Variants in GOLGA8M observed in about 807,000 individuals in gnomAD.
The protein encoded by GOLGA8M is golgin A8 family member M.
GOLGA8M carries 34 observed loss-of-function variants against 87.7 expected under a neutral mutation model. That is an observed-to-expected ratio of 0.39 (90% CI 0.29 to 0.52). The LOEUF is 0.52. Ranked by LOEUF, GOLGA8M falls within the 20% of genes least tolerant of loss-of-function variation. The pLI, the probability that GOLGA8M is intolerant of heterozygous loss-of-function variation, is 0.80. For synonymous variants in GOLGA8M, 138 were observed against 250.2 expected (o/e 0.55, Z 4.23); for missense variants, 396 against 682.2 (o/e 0.58, Z 4.67).
chr15:28,707,018 G>T (rs1446670001), intron 8 of GOLGA8M, among the ~76,000 whole-genome samples: 3 of 139,398 alleles, frequency 2.2e-5, no homozygotes, highest in African/African-American at 8.6e-5. Flanking sequence ...TTTAATCCTC[G>T]CAACCACCAT....
chr15:28,703,192 A>G lies in GOLGA8M; in HGVS notation c.1368+127T>C, dbSNP rs549797622. 5 of 954,538 alleles carry G rather than the reference A, an allele frequency of 5.2e-6. 1 individual carries two copies. The highest frequency in any genetic ancestry group is 2.9e-5 in the South Asian group (2 of 68,882). The allele number at this position is 954,538 out of a possible 1,614,324, so 59.1% of individuals were successfully genotyped here. On this transcript the variant is annotated intron_variant, in intron 15 of 18. Coordinates refer to ENST00000563027, the MANE Select transcript of GOLGA8M (RefSeq NM_001282468.3). ...TTGGCCACAGGTGAAATGGTGTCTGACCACTGGCTCTCAGAAGGGGTGAGG... is the reference window on the plus strand; with the variant it reads ...TTGGCCACAGGTGAAATGGTGTCTGGCCACTGGCTCTCAGAAGGGGTGAGG...
rs778939060 is a variant in GOLGA8M, at chr15:28,702,495, G to T, written c.1537C>A (p.His513Asn). 1.3e-6 allele frequency: 2 copies of T among 1,587,006 alleles called. No homozygotes were observed. Among genetic ancestry groups the T allele is most frequent in the Admixed American group, 1.7e-5 (1 of 57,620 alleles). Residue 513 changes from histidine to asparagine, a missense_variant, in exon 17 of 19, where the codon CAT becomes AAT. Coordinates refer to ENST00000563027, the MANE Select transcript of GOLGA8M (RefSeq NM_001282468.3). Reference protein sequence around the residue: ...AKDAALGGGHHQAGAQGGDEG... With the variant: ...AKDAALGGGHNQAGAQGGDEG... ...TCTCCTCCCTGAGCTCCAGCCTGAT[G>T]GTGTCCTCCTCCCAGTGCCGCATCT...
chr15:28,711,756 T>A, intron 1 of GOLGA8M: 13 of 984,810 alleles, frequency 1.3e-5, no homozygotes, highest in Non-Finnish European at 1.6e-5. Context: ...AGGGACCATG[T>A]CAGCACCATG....
At chr15:28,710,007 G>T (rs527391659) in intron 2 of GOLGA8M, among the ~76,000 whole-genome samples, 4 of 143,576 alleles carry the variant, frequency 2.8e-5, no homozygotes, top group African/African-American at 1.0e-4. Flanking sequence ...AGAGAGGCCC[G>T]ATGAGGTCTA....
At chr15:28,710,009 T>C (rs2080151954) in intron 2 of GOLGA8M, among the ~76,000 whole-genome samples, 1 of 143,550 alleles carries the variant, frequency 7.0e-6, no homozygotes, top group African/African-American at 2.6e-5. Flanking sequence ...AGAGGCCCGA[T>C]GAGGTCTAGC....
rs576639589 is a variant in GOLGA8M at position 28,702,668 on chromosome 15, T to C, written c.1446A>G (p.Gln482=). ...LVKKQELRFI[Q]YWQERCHQKI... The stretch of plus-strand genomic sequence containing the variant: ...ACTGATGGCATCTCTCTTGCCAGTA[T>C]TGAATGAAGCGAAGTTCTTGTTTCT... Residue 482 remains glutamine, a synonymous_variant, in exon 16 of 19, where the codon CAA becomes CAG. Transcript: ENST00000563027. 30 of 1,607,094 alleles carry C rather than the reference T, an allele frequency of 1.9e-5. 1 individual carries two copies. Among genetic ancestry groups the C allele is most frequent in the South Asian group, 1.8e-4 (16 of 90,762 alleles).
intron 18 of GOLGA8M, 27 bp from the exon 19 acceptor site, chr15:28,702,156 G>A: frequency 6.3e-7 from 1 of 1,577,376 alleles, no homozygotes; most frequent in Non-Finnish European, 8.5e-7. Flanking sequence ...GCAGGGATCT[G>A]AGCACAGTGG....
chr15:28,704,131 A>ACTGCTGATAGGCGGCCACCTG (rs2079928135), intron 13 of GOLGA8M, among the ~76,000 whole-genome samples: 1 of 138,086 alleles, frequency 7.2e-6, no homozygotes, highest in African/African-American at 2.7e-5. Context: ...TCACAGGTCA[A>ACTGCTGATAGGCGGCCACCTG]CTGCTGATAG....
At chr15:28,708,783 A>G (rs982691913) in intron 4 of GOLGA8M, among the ~76,000 whole-genome samples, 24 of 152,022 alleles carry the variant, frequency 1.6e-4, no homozygotes, top group Non-Finnish European at 2.1e-4. Context: ...TACAGCAGAT[A>G]TAGGATGGAA....
At position 28,708,041 on chromosome 15, in the gene GOLGA8M, T is replaced by G; in HGVS notation, c.397-4A>C. 6.3e-7 allele frequency: 1 copy of G among 1,599,554 alleles called. No individual in the cohort carries two copies. The highest frequency in any genetic ancestry group is 8.5e-7 in the Non-Finnish European group (1 of 1,178,152). On this transcript the variant is annotated splice_region_variant and splice_polypyrimidine_tract_variant and intron_variant, in intron 6 of 18. Coordinates refer to ENST00000563027, the MANE Select transcript of GOLGA8M (RefSeq NM_001282468.3). Reference sequence around the variant, plus strand: ...TGTTCAATGTCTGGAGTTGAACCTTTGGGAGAAAAGCCAAGCAAGTGCTGA... The same window carrying G: ...TGTTCAATGTCTGGAGTTGAACCTTGGGGAGAAAAGCCAAGCAAGTGCTGA...
Position 28,710,780 on chromosome 15 carries a change from GA to G in GOLGA8M, c.49-175del, listed in dbSNP as rs1245206767. Among the ~76,000 whole-genome samples, 365 of 93,174 alleles carry G rather than the reference GA, an allele frequency of 3.9e-3. 1 individual carries two copies. Among genetic ancestry groups the G allele is most frequent in the African/African-American group, 0.011 (283 of 24,806 alleles). 61.1% of individuals were successfully genotyped at this position (93,174 alleles called of 152,430 possible). The stretch of plus-strand genomic sequence containing the variant: ...CTGAGAAGGATTGATATCATGGCTA[GA>G]AAAAAAAAAAGAAAAAGGCAATACT... On this transcript the variant is annotated intron_variant, in intron 1 of 18. Transcript: ENST00000563027.
At chr15:28,713,135 C>T (rs867637441), upstream of GOLGA8M, among the ~76,000 whole-genome samples, 2 of 151,608 alleles carry the variant, frequency 1.3e-5, no homozygotes, top group Non-Finnish European at 2.9e-5. Flanking sequence ...GTCAGGAGAT[C>T]GAGACCATCC....
rs1298880196 is a variant in GOLGA8M at position 28,712,171 on chromosome 15, G to A, written c.48+105C>T. On this transcript the variant is annotated intron_variant, in intron 1 of 18. Transcript: ENST00000563027. Reference sequence around the variant, plus strand: ...TAGCCCAAGGCACCGGGGTTGGGGGGACCAGTCCAGTGTGCCTCAGGAGTC... The same window carrying A: ...TAGCCCAAGGCACCGGGGTTGGGGGAACCAGTCCAGTGTGCCTCAGGAGTC... 7 of 1,537,226 alleles carry A rather than the reference G, an allele frequency of 4.6e-6. No individual in the cohort carries two copies. In the South Asian group the frequency reaches 6.0e-5, roughly 13 times the overall value.
chr15:28,702,473 C>T lies in GOLGA8M; in HGVS notation c.1559G>A (p.Gly520Glu), dbSNP rs755947683. 7 of 1,456,806 alleles carry T rather than the reference C, an allele frequency of 4.8e-6. No individual in the cohort carries two copies. The South Asian group carries it at 5.7e-5, about 12-fold the overall frequency. The allele number at this position is 1,456,806 out of a possible 1,614,324, so 90.2% of individuals were successfully genotyped here. A position where few individuals can be genotyped will look rare whatever the true frequency, so the allele number is the denominator to read the frequency against. Residue 520 changes from glycine (G) to glutamate (E), a missense_variant, in exon 17 of 19, where the codon GGA becomes GAA. By Grantham distance (98) the Gly-to-Glu change is moderately conservative (BLOSUM62 -2). Coordinates refer to ENST00000563027, the MANE Select transcript of GOLGA8M (RefSeq NM_001282468.3). ...GGHHQAGAQG[G>E]DEGEAAGAAA... ...GATGTTGCACACCCTACCTTCATCT[C>T]CTCCCTGAGCTCCAGCCTGATGGTG... is the stretch of plus-strand genomic sequence containing the variant.
rs1396554706 is a variant in GOLGA8M at position 28,706,799 on chromosome 15, T to A, written c.592-100A>T. 1.1e-5 allele frequency: 13 copies of A among 1,165,438 alleles called. 1 individual carries two copies. Among genetic ancestry groups the A allele is most frequent in the Admixed American group, 2.5e-5 (1 of 40,130 alleles). The allele number at this position is 1,165,438 out of a possible 1,614,324, so 72.2% of individuals were successfully genotyped here. ...GGGCTAGGCCCAATATACAACTCGG[T>A]CAGTAAAGATCAAGGCATTTCCAAG... On this transcript the variant is annotated intron_variant, in intron 8 of 18. Transcript: ENST00000563027.
In GOLGA8M at chr15:28,702,566, C is replaced by G. The variant is rs536954289; in HGVS notation, c.1470-4G>C. ...TGATAAAAGGTGATGGATTTTCCTG[C>G]GGGAGGACGGGGCTCAGACGCTGGG... is the stretch of plus-strand genomic sequence containing the variant. On this transcript the variant is annotated splice_polypyrimidine_tract_variant and splice_region_variant and intron_variant, in intron 16 of 18. Coordinates refer to ENST00000563027, the MANE Select transcript of GOLGA8M (RefSeq NM_001282468.3). The G allele has an allele frequency of 6.2e-7, 1 of 1,607,412 alleles. No individual in the cohort carries two copies. The highest frequency in any genetic ancestry group is 1.3e-5 in the African/African-American group (1 of 74,600).
upstream of GOLGA8M, among the ~76,000 whole-genome samples, chr15:28,713,161 A>G (rs1458646953): frequency 6.6e-6 from 1 of 151,282 alleles, no homozygotes; most frequent in Non-Finnish European, 1.5e-5. Context: ...AACACGGTGA[A>G]ACCCCATCTC....
rs1226773765 is a variant in GOLGA8M at position 28,701,230 on chromosome 15, C to G, written c.*724G>C. Among the ~76,000 whole-genome samples, 2 of 151,952 alleles carry G rather than the reference C, an allele frequency of 1.3e-5. No individual in the cohort carries two copies. The highest frequency in any genetic ancestry group is 2.9e-5 in the Non-Finnish European group (2 of 68,022). ...GCACATACAAATCCTAAGGGCACCA[C>G]CATAATACACCGCTAATTCCTGGCA... On this transcript the variant is annotated 3_prime_UTR_variant, in exon 19 of 19. Transcript: ENST00000563027.
At chr15:28,711,602 A>C in intron 1 of GOLGA8M, 1 of 985,172 alleles carries the variant, frequency 1.0e-6, no homozygotes. Context: ...TCCAGCTGGA[A>C]ATTTGTCCTG....
Sources: allele counts gnomAD v4.1 joint callset (sites outside exome capture counted in the v4.1 genomes callset), GRCh38; gene constraint gnomAD v4.1.1; transcripts MANE v1.5; gene names NCBI Gene and HGNC (gene_info 2026-07-23, HGNC 2026-07-21).